MYO16: variants seen among roughly 807,000 people sequenced by gnomAD.
The protein encoded by MYO16 is unconventional myosin-XVI.
A neutral mutation model predicts 205.3 loss-of-function variants in MYO16; 94 were observed. That is an observed-to-expected ratio of 0.46 (90% CI 0.39 to 0.54). The LOEUF (loss-of-function observed/expected upper bound fraction) is 0.54, where lower values mean the gene tolerates loss of function less well. Among genes scored for constraint, MYO16 ranks in the 20% least tolerant of loss-of-function variants. The pLI, the probability that MYO16 is intolerant of heterozygous loss-of-function variation, is 0.00. For missense variants in MYO16, 2,315 were observed against 2,387.5 expected (o/e 0.97, Z 0.63); for synonymous variants, 988 against 954.0 (o/e 1.04, Z -0.66).
chr13:109,055,755 A>G lies in MYO16; in HGVS notation c.3335+160A>G, dbSNP rs1887397740. 7 of 626,520 alleles carry G rather than the reference A, an allele frequency of 1.1e-5. No homozygotes were observed. The highest frequency in any genetic ancestry group is 1.9e-5 in the Non-Finnish European group (7 of 360,844). The allele number at this position is 626,520 out of a possible 1,614,324, so 38.8% of individuals were successfully genotyped here. A position where few individuals can be genotyped will look rare whatever the true frequency, so the allele number is the denominator to read the frequency against. Reference sequence around the variant, plus strand: ...AATAAACAAAATATTCTGGGAAACAATGAAATACACTGACAAAGCTCACAT... The same window carrying G: ...AATAAACAAAATATTCTGGGAAACAGTGAAATACACTGACAAAGCTCACAT... On this transcript the variant is annotated intron_variant, in intron 27 of 34. Coordinates refer to ENST00000457511, the MANE Select transcript of MYO16 (RefSeq NM_001198950.3). This position sits in a 1 kb window ranked among gnomAD's most constrained non-coding sequence, Gnocchi z 5.0.
At chr13:109,007,116 C>T (rs1164190797) in intron 21 of MYO16, among the ~76,000 whole-genome samples, 2 of 152,068 alleles carry the variant, frequency 1.3e-5, no homozygotes, top group African/African-American at 4.8e-5. Context: ...TAGCCAGGGG[C>T]GGTGGCTCAT....
At chr13:109,079,754 G>T (rs1888224510) in intron 27 of MYO16, among the ~76,000 whole-genome samples, 1 of 152,028 alleles carries the variant, frequency 6.6e-6, no homozygotes, top group Admixed American at 6.6e-5. Context: ...TAAAATGAAA[G>T]TTAAAATAAA....
At chr13:108,555,518 A>G in the MYO16 span, among the ~76,000 whole-genome samples, 1 of 152,240 alleles carries the variant, frequency 6.6e-6, no homozygotes, top group Non-Finnish European at 1.5e-5. Context: ...AGCACAAGAA[A>G]AATATGCATT....
chr13:108,896,057 T>C (rs1173464333), intron 14 of MYO16, among the ~76,000 whole-genome samples: 1 of 152,140 alleles, frequency 6.6e-6, no homozygotes, highest in Non-Finnish European at 1.5e-5. Flanking sequence ...TAGCTCCTTC[T>C]CACTCCCAGG....
chr13:108,711,727 C>T (rs1414083306), intron 2 of MYO16, among the ~76,000 whole-genome samples: 1 of 152,192 alleles, frequency 6.6e-6, no homozygotes, highest in Non-Finnish European at 1.5e-5. Context: ...CTTCAGGCAA[C>T]ATTTCAAGTT....
intron 20 of MYO16, among the ~76,000 whole-genome samples, chr13:108,965,226 G>GAAGACACTCTAAGAACAGGT (rs1883747543): frequency 1.3e-5 from 2 of 152,100 alleles, no homozygotes; most frequent in Non-Finnish European, 2.9e-5. Context: ...AATCCAGGAA[G>GAAGACACTCTAAGAACAGGT]AAGACACTCT....
chr13:108,797,344 G>A (rs1187776415), intron 6 of MYO16, among the ~76,000 whole-genome samples: 1 of 152,220 alleles, frequency 6.6e-6, no homozygotes, highest in Non-Finnish European at 1.5e-5. Context: ...TATATGTGAT[G>A]TTGAAAGCTT....
chr13:108,506,203 C>T, the MYO16 span, among the ~76,000 whole-genome samples: 1 of 152,006 alleles, frequency 6.6e-6, no homozygotes. Context: ...CAAAAAATGC[C>T]TTTGGAATTC....
At chr13:108,901,473 G>A (rs539202351) in intron 15 of MYO16, among the ~76,000 whole-genome samples, 6 of 152,144 alleles carry the variant, frequency 3.9e-5, no homozygotes, top group Non-Finnish European at 8.8e-5. Flanking sequence ...AAATATCGGG[G>A]GTGAATTTCA....
At chr13:108,917,499 A>G (rs180938506) in intron 16 of MYO16, among the ~76,000 whole-genome samples, 104 of 152,360 alleles carry the variant, frequency 6.8e-4, no homozygotes, top group African/African-American at 2.1e-3. Flanking sequence ...AGCACTCTCT[A>G]TTAGTAACTC....
At chr13:108,932,646 C>T (rs1360862160) in intron 16 of MYO16, among the ~76,000 whole-genome samples, 8 of 152,170 alleles carry the variant, frequency 5.3e-5, no homozygotes, top group Non-Finnish European at 1.0e-4. Context: ...TTTATTTTCC[C>T]ACCCAGTATC....
At chr13:108,614,622 GGATATATAAATCAATGA>G (rs1879286745) in intron 1 of MYO16, among the ~76,000 whole-genome samples, 2 of 151,944 alleles carry the variant, frequency 1.3e-5, no homozygotes, top group African/African-American at 4.8e-5. Context: ...GCATAAGGCT[GGATATATAAATCAATGA>G]GATATAATTA....
At chr13:108,836,202 G>A (rs1188931377) in intron 9 of MYO16, among the ~76,000 whole-genome samples, 1 of 152,212 alleles carries the variant, frequency 6.6e-6, no homozygotes, top group Non-Finnish European at 1.5e-5. Flanking sequence ...CAGCTCAAAG[G>A]GGCCAAAGTA....
chr13:109,127,655 A>G lies in MYO16; in HGVS notation c.4051+105A>G. ...ACTGTCGCCCTAATGTATTCTTAATAGAAATAAATCCAATTGTTGGCTTGC... is the reference window on the plus strand; with the variant it reads ...ACTGTCGCCCTAATGTATTCTTAATGGAAATAAATCCAATTGTTGGCTTGC... On this transcript the variant is annotated intron_variant, in intron 31 of 34. Coordinates refer to ENST00000457511, the MANE Select transcript of MYO16 (RefSeq NM_001198950.3). This position sits in a 1 kb window ranked among gnomAD's most constrained non-coding sequence, Gnocchi z 4.2. 1 of 1,172,086 alleles carries G rather than the reference A, an allele frequency of 8.5e-7. No homozygotes were observed. The highest frequency in any genetic ancestry group is 2.6e-5 in the East Asian group (1 of 38,780). 72.6% of individuals were successfully genotyped at this position (1,172,086 alleles called of 1,614,324 possible). A position where few individuals can be genotyped will look rare whatever the true frequency, so the allele number is the denominator to read the frequency against.
At chr13:108,966,413 G>C (rs944598830) in intron 20 of MYO16, among the ~76,000 whole-genome samples, 2 of 152,080 alleles carry the variant, frequency 1.3e-5, no homozygotes, top group African/African-American at 4.8e-5. Flanking sequence ...ATTTTACAGA[G>C]CCTTAAATTT....
At chr13:108,510,488 T>C in the MYO16 span, among the ~76,000 whole-genome samples, 2 of 124,602 alleles carry the variant, frequency 1.6e-5, no homozygotes, top group African/African-American at 3.1e-5. Context: ...TTTTTTTTAT[T>C]GTACTTTAAG....
At chr13:108,537,600 A>G in the MYO16 span, among the ~76,000 whole-genome samples, 1 of 152,098 alleles carries the variant, frequency 6.6e-6, no homozygotes, top group African/African-American at 2.4e-5. Context: ...GGTTGTACTA[A>G]TTTACATTAA....
At chr13:109,198,988 T>C (rs1171607877) in intron 34 of MYO16, among the ~76,000 whole-genome samples, 1 of 151,784 alleles carries the variant, frequency 6.6e-6, no homozygotes, top group Admixed American at 6.6e-5. Flanking sequence ...TCATAGAAAA[T>C]GAAGTTTAAT....
the MYO16 span, among the ~76,000 whole-genome samples, chr13:108,519,467 A>G: frequency 1.3e-5 from 2 of 151,302 alleles, no homozygotes; most frequent in Non-Finnish European, 2.9e-5. Flanking sequence ...TAATCTGCGG[A>G]TTTGACTGCA....
Sources: allele counts gnomAD v4.1 joint callset (sites outside exome capture counted in the v4.1 genomes callset), GRCh38; gene constraint gnomAD v4.1.1; non-coding constraint Gnocchi (gnomAD v3.1); transcripts MANE v1.5; gene names NCBI Gene and HGNC (gene_info 2026-07-23, HGNC 2026-07-21).